The following ANKFN1 variants were observed in gnomAD, a reference collection of about 807,000 sequenced individuals.
The protein encoded by ANKFN1 is ankyrin repeat and fibronectin type III domain containing 1.
In ANKFN1, 74 loss-of-function variants were observed where a neutral mutation model predicts 108.7. That is an observed-to-expected ratio of 0.68 (90% CI 0.56 to 0.83). The LOEUF is 0.83. ANKFN1 is among the 40% of genes least tolerant of loss of function. ANKFN1 has a pLI of 0.00. For missense variants in ANKFN1, 1,505 were observed against 1,382.3 expected (o/e 1.09, Z -1.41); for synonymous variants, 547 against 516.2 (o/e 1.06, Z -0.81).
At chr17:56,152,292 GTGTGTGTGTGTT>G (rs979557407), upstream of ANKFN1, among the ~76,000 whole-genome samples, 9 of 150,896 alleles carry the variant, frequency 6.0e-5, no homozygotes, top group Non-Finnish European at 1.0e-4. Context: ...GTGTGTGTGT[GTGTGTGTGTGTT>G]TAATTTTTCT....
intron 3 of ANKFN1, among the ~76,000 whole-genome samples, chr17:56,264,137 C>T (rs190290512): frequency 8.5e-5 from 13 of 152,282 alleles, no homozygotes; most frequent in African/African-American, 2.9e-4. Flanking sequence ...TGCCATGGAA[C>T]TCTGGGAAAA....
intron 3 of ANKFN1, among the ~76,000 whole-genome samples, chr17:56,274,898 T>C (rs1415069989): frequency 6.6e-6 from 1 of 152,192 alleles, no homozygotes; most frequent in Non-Finnish European, 1.5e-5. Context: ...TCAAATCTTA[T>C]CCCTGAAAAA....
chr17:56,215,782 A>G (rs1915381199), intron 2 of ANKFN1: 1 of 151,934 alleles, frequency 6.6e-6, no homozygotes. Context: ...CCATTTTTTC[A>G]TTTTTTCACA....
At chr17:56,362,002 G>C (rs940537397) in intron 6 of ANKFN1, among the ~76,000 whole-genome samples, 1 of 152,084 alleles carries the variant, frequency 6.6e-6, no homozygotes, top group African/African-American at 2.4e-5. Context: ...GAACAACCCT[G>C]GTTGTTCAGT....
chr17:56,246,638 T>C (rs1479023244), intron 3 of ANKFN1, among the ~76,000 whole-genome samples: 3 of 152,114 alleles, frequency 2.0e-5, no homozygotes, highest in Non-Finnish European at 2.9e-5. Flanking sequence ...TAATCAAAAC[T>C]GGAAATTGCC....
At chr17:56,140,972 A>G (rs577409559) in intron 4 of ANKFN1, among the ~76,000 whole-genome samples, 9 of 152,328 alleles carry the variant, frequency 5.9e-5, no homozygotes, top group African/African-American at 1.9e-4. Context: ...ATATCTCCAC[A>G]GTCCCTACTA....
At chr17:56,170,805 T>TACACACAC (rs1383558821) in intron 1 of ANKFN1, among the ~76,000 whole-genome samples, 10 of 72,138 alleles carry the variant, frequency 1.4e-4, no homozygotes, top group East Asian at 4.7e-4. Flanking sequence ...TATATATATA[T>TACACACAC]ATACACACAC....
At chr17:56,402,288 T>G (rs751197463) in intron 8 of ANKFN1, among the ~76,000 whole-genome samples, 6 of 152,140 alleles carry the variant, frequency 3.9e-5, no homozygotes, top group Non-Finnish European at 7.4e-5. Flanking sequence ...TTTGAATGTC[T>G]GGTAGAATTC....
chr17:56,427,924 G>T (rs2048623184), intron 8 of ANKFN1, among the ~76,000 whole-genome samples: 1 of 152,094 alleles, frequency 6.6e-6, no homozygotes, highest in Non-Finnish European at 1.5e-5. Flanking sequence ...ACATAGGAGT[G>T]TTAGGAGGAT....
chr17:56,349,806 G>C (rs1411688614), intron 4 of ANKFN1, among the ~76,000 whole-genome samples: 1 of 152,140 alleles, frequency 6.6e-6, no homozygotes, highest in Non-Finnish European at 1.5e-5. Context: ...CTGAGGGGAA[G>C]TGGTGAGAAG....
intron 6 of ANKFN1, among the ~76,000 whole-genome samples, chr17:56,366,560 C>T (rs1040275914): frequency 2.3e-4 from 35 of 152,288 alleles, no homozygotes; most frequent in African/African-American, 7.5e-4. Context: ...GGTAAATGCC[C>T]TATACAGCTC....
chr17:56,433,066 A>T (rs1327968618), intron 8 of ANKFN1, among the ~76,000 whole-genome samples: 7 of 152,212 alleles, frequency 4.6e-5, no homozygotes, highest in Non-Finnish European at 7.3e-5. Flanking sequence ...TATGCATATA[A>T]GTCTATTGTA....
At chr17:56,416,247 C>A (rs555874739) in intron 8 of ANKFN1, among the ~76,000 whole-genome samples, 1 of 152,228 alleles carries the variant, frequency 6.6e-6, no homozygotes, top group African/African-American at 2.4e-5. Context: ...AGGAAACAAT[C>A]AACGAAGTGA....
chr17:56,394,419 A>T (rs1243375746), intron 8 of ANKFN1, among the ~76,000 whole-genome samples: 2 of 152,114 alleles, frequency 1.3e-5, no homozygotes, highest in African/African-American at 4.8e-5. Flanking sequence ...CTTGGCGGAG[A>T]TGGAGGCCCA....
chr17:56,343,093 C>G (rs758107925), intron 4 of ANKFN1, among the ~76,000 whole-genome samples: 5 of 151,864 alleles, frequency 3.3e-5, no homozygotes, highest in Non-Finnish European at 7.4e-5. Flanking sequence ...GGTTTAAAGT[C>G]TGTTTTGCCA....
chr17:56,303,851 ATTT>A (rs34077118), intron 3 of ANKFN1, among the ~76,000 whole-genome samples: 4 of 131,944 alleles, frequency 3.0e-5, no homozygotes, highest in Admixed American at 7.7e-5. Context: ...CGCTGAGCCA[ATTT>A]TTTTTTTTTT....
chr17:56,237,759 T>G (rs996105835), intron 3 of ANKFN1, among the ~76,000 whole-genome samples: 8 of 152,126 alleles, frequency 5.3e-5, no homozygotes, highest in East Asian at 1.9e-4. Context: ...TGGTTTTTTT[T>G]TGTGTCTCAA....
chr17:56,310,929 C>G (rs754026819), intron 3 of ANKFN1, among the ~76,000 whole-genome samples: 1 of 152,142 alleles, frequency 6.6e-6, no homozygotes, highest in African/African-American at 2.4e-5. Context: ...ATTTCCTCCC[C>G]CTGCCCCCAG....
chr17:56,494,644 G>A (rs1343164099), intron 19 of ANKFN1, among the ~76,000 whole-genome samples: 2 of 152,076 alleles, frequency 1.3e-5, no homozygotes, highest in Non-Finnish European at 2.9e-5. Flanking sequence ...TGGAGTACTG[G>A]ACAATTCATT....
Sources: allele counts gnomAD v4.1 joint callset (sites outside exome capture counted in the v4.1 genomes callset), GRCh38; gene constraint gnomAD v4.1.1; transcripts MANE v1.5; gene names NCBI Gene and HGNC (gene_info 2026-07-23, HGNC 2026-07-21).